Variants in MYO15A observed in about 807,000 individuals in gnomAD.
MYO15A encodes the protein myosin XVA, also known as unconventional myosin-XV.
A neutral mutation model predicts 394.6 loss-of-function variants in MYO15A; 308 were observed. That is an observed-to-expected ratio of 0.78 (90% confidence interval 0.71 to 0.86). The LOEUF (loss-of-function observed/expected upper bound fraction) is 0.86. MYO15A is among the 40% of genes least tolerant of loss of function. MYO15A has a pLI of 0.00. For synonymous variants in MYO15A, 1,957 were observed against 2,003.8 expected, an observed-to-expected ratio of 0.98 and a Z score of 0.62; for missense variants, 4,606 against 4,799.1, an observed-to-expected ratio of 0.96 and a Z score of 1.19.
At chr17:18,136,151 A>G (rs553361195) in intron 13 of MYO15A, among the ~76,000 whole-genome samples, 7 of 152,230 alleles carry the variant, frequency 4.6e-5, no homozygotes, top group South Asian at 2.1e-4. Flanking sequence ...TCACAGTCCT[A>G]GGCCCATTCT....
chr17:18,145,407 T>C (rs980497731), intron 29 of MYO15A, among the ~76,000 whole-genome samples: 2 of 152,186 alleles, frequency 1.3e-5, no homozygotes, highest in African/African-American at 4.8e-5. Context: ...TGCCTGGTCA[T>C]TCGGCATAGA....
At chr17:18,176,925 ACCGTAT>A (rs1478782495) in intron 65 of MYO15A, 2 of 152,212 alleles carry the variant, frequency 1.3e-5, no homozygotes, top group African/African-American at 4.8e-5. Context: ...AGAGAGCAGG[ACCGTAT>A]CCATCTTGTT....
chr17:18,125,740 G>C (rs1021090758), intron 4 of MYO15A, among the ~76,000 whole-genome samples: 3 of 149,286 alleles, frequency 2.0e-5, no homozygotes, highest in African/African-American at 7.4e-5. Context: ...AAAAAAGAAT[G>C]GTGGATGCCA....
intron 48 of MYO15A, 90 bp downstream of exon 48, chr17:18,156,426 T>C (rs922096526): frequency 4.8e-6 from 7 of 1,444,798 alleles, no homozygotes; most frequent in African/African-American, 4.2e-5. Flanking sequence ...ACTGTGTCCA[T>C]AGATTTCTGT....
At chr17:18,157,408 C>CT in intron 50 of MYO15A, 178 bp downstream of exon 50, 1 of 1,001,026 alleles carries the variant, frequency 1.0e-6, no homozygotes, top group East Asian at 2.6e-5. Context: ...CAGCCCTCTG[C>CT]TTTGCCTGAG....
At position 18,151,517 on chromosome 17, in the gene MYO15A, G is replaced by A. The variant is rs1480218380; in HGVS notation, c.7777G>A (p.Glu2593Lys). The A allele has an allele frequency of 6.2e-7, 1 of 1,614,050 alleles. No homozygotes were observed. Among genetic ancestry groups the A allele is most frequent in the Non-Finnish European group, 8.5e-7 (1 of 1,180,008 alleles). The change falls in exon 40 of 66, where the codon GAG becomes AAG. Residue 2593 changes from glutamate (E) to lysine (K), a missense_variant. Physicochemically the swap from Glu to Lys is moderately conservative, Grantham distance 56. This residue lies in a region of MYO15A where 2,776 missense variants were observed against 3,109.3 expected (regional missense o/e 0.89). Coordinates refer to ENST00000647165, the MANE Select transcript of MYO15A (RefSeq NM_016239.4). ...YQQPFRGGRPEALRKDGGKVF... is the reference protein window; with the variant it reads ...YQQPFRGGRPKALRKDGGKVF... ...GCAGCCGTTCCGGGGAGGCCGGCCT[G>A]AGGCCCTCAGGTCAGCACTGCCCCT...
intron 6 of MYO15A, 101 bp downstream of exon 6, chr17:18,126,966 C>T: frequency 1.9e-6 from 3 of 1,594,074 alleles, no homozygotes; most frequent in Non-Finnish European, 2.6e-6. Context: ...TTGCCTGGTA[C>T]CTCTGGGTTG....
intron 45 of MYO15A, 112 bp from the exon 46 acceptor site, chr17:18,154,998 C>G: frequency 9.2e-7 from 1 of 1,088,634 alleles, no homozygotes; most frequent in Non-Finnish European, 1.4e-6. Flanking sequence ...AGTATAGACA[C>G]TGGTCAGATA....
Position 18,133,230 on chromosome 17 carries a change from G to A in MYO15A, c.4326G>A (p.Gly1442=), listed in dbSNP as rs1047323429. 3.7e-6 allele frequency: 6 copies of A among 1,614,042 alleles called. No individual in the cohort carries two copies. Among genetic ancestry groups the A allele is most frequent in the Non-Finnish European group, 5.1e-6 (6 of 1,180,004 alleles). ...CAGCCTCTGCCCTCATGCAGGGTGGGAACTGTGAGATAGCAGGAAAGAGCG... is the reference window on the plus strand; with the variant it reads ...CAGCCTCTGCCCTCATGCAGGGTGGAAACTGTGAGATAGCAGGAAAGAGCG... The part of the protein sequence containing the change: ...AETYYYLNQG[G]NCEIAGKSDA... The change falls in exon 12 of 66, where the codon GGG becomes GGA. Residue 1442 remains glycine (G), a synonymous_variant. Coordinates refer to ENST00000647165, the MANE Select transcript of MYO15A (RefSeq NM_016239.4).
intron 44 of MYO15A, 80 bp from the exon 45 acceptor site, chr17:18,154,600 C>T: frequency 6.9e-7 from 1 of 1,448,788 alleles, no homozygotes. Flanking sequence ...CCCACATTGC[C>T]ACTCACCCTA....
intron 33 of MYO15A, 106 bp downstream of exon 33, chr17:18,149,058 C>A: frequency 6.7e-7 from 1 of 1,489,440 alleles, no homozygotes; most frequent in Non-Finnish European, 9.1e-7. Context: ...ACAGGCTGAG[C>A]CCTGAACTTA....
intron 25 of MYO15A, 30 bp downstream of exon 25, chr17:18,142,870 G>A: frequency 3.1e-6 from 5 of 1,587,858 alleles, no homozygotes; most frequent in Non-Finnish European, 4.3e-6. Flanking sequence ...TGGGTCCAAG[G>A]GGACAGCAGA....
At chr17:18,131,383 T>A in intron 9 of MYO15A, 41 bp downstream of exon 9, 3 of 1,612,700 alleles carry the variant, frequency 1.9e-6, no homozygotes. Context: ...AGCCTTGCAG[T>A]GTCTTCCATG....
chr17:18,173,931 G>A lies in MYO15A; in HGVS notation c.10491+10G>A, dbSNP rs2046978779. 3 of 1,612,426 alleles carry A rather than the reference G, an allele frequency of 1.9e-6. No individual in the cohort carries two copies. The highest frequency in any genetic ancestry group is 2.5e-6 in the Non-Finnish European group (3 of 1,179,510). ...GCTGCAGCTGGAGCAGGTGGGCCCA[G>A]CGCTAAGTCCAACATTCCACTCACT... On this transcript the variant is annotated intron_variant, in intron 65 of 65. Transcript: ENST00000647165.
chr17:18,159,566 GGGGTTTGGTGGGTCTGA>G (rs1567659327), intron 54 of MYO15A, 23 bp from the exon 55 acceptor site: 1 of 1,609,658 alleles, frequency 6.2e-7, no homozygotes, highest in East Asian at 2.2e-5. Flanking sequence ...TGGGCAACTG[GGGGTTTGGTGGGTCTGA>G]GTGGGATAGG....
chr17:18,112,941 G>C (rs547515756), intron 1 of MYO15A, among the ~76,000 whole-genome samples: 1 of 151,768 alleles, frequency 6.6e-6, no homozygotes, highest in South Asian at 2.1e-4. Context: ...TCTGCCTCCC[G>C]GGTTCAAGAA....
At chr17:18,139,750 T>A in intron 19 of MYO15A, 139 bp downstream of exon 19, 4 of 992,586 alleles carry the variant, frequency 4.0e-6, no homozygotes, top group Non-Finnish European at 6.1e-6. Context: ...AAGGGTGGCC[T>A]GGACACCCTG....
Position 18,153,975 on chromosome 17 carries a change from G to C in MYO15A, c.8088+79G>C. 6.2e-7 allele frequency: 1 copy of C among 1,609,612 alleles called. No homozygotes were observed. The highest frequency in any genetic ancestry group is 8.5e-7 in the Non-Finnish European group (1 of 1,177,450). On this transcript the variant is annotated intron_variant, in intron 43 of 65. Transcript: ENST00000647165. This position sits in a 1 kb window ranked among gnomAD's most constrained non-coding sequence, Gnocchi z 4.1. ...CTGAAGCGAGCAGAGGAGGGTCTAG[G>C]ACTTGGGGAGGGAGCCCAGGAGGAC...
At position 18,121,788 on chromosome 17, in the gene MYO15A, G is replaced by A. The variant is rs752267620; in HGVS notation, c.2988G>A (p.Pro996=). ...TRVFLGRHHE[P]GPGQLTKSAG... ...TCTTCCTGGGCAGACACCATGAGCC[G>A]GGGCCTGGACAGCTCACCAAATCAG... Residue 996 remains proline (P), a synonymous_variant, in exon 2 of 66, where the codon CCG becomes CCA. Transcript: ENST00000647165. This position sits in a 1 kb window ranked among gnomAD's most constrained non-coding sequence, Gnocchi z 5.3. 3.4e-5 allele frequency: 55 copies of A among 1,611,594 alleles called. No individual in the cohort carries two copies. The highest frequency in any genetic ancestry group is 8.0e-5 in the African/African-American group (6 of 74,806).
Sources: allele counts gnomAD v4.1 joint callset (sites outside exome capture counted in the v4.1 genomes callset), GRCh38; gene constraint gnomAD v4.1.1; regional missense constraint gnomAD v4.1.1; non-coding constraint Gnocchi (gnomAD v3.1); transcripts MANE v1.5; gene names NCBI Gene and HGNC (gene_info 2026-07-23, HGNC 2026-07-21).